GRID2: variants seen among roughly 807,000 people sequenced by gnomAD.
GRID2 encodes the protein glutamate receptor ionotropic, delta-2.
GRID2 carries 33 observed loss-of-function variants against 114.8 expected under a neutral mutation model. The ratio of observed to expected loss-of-function variants is 0.29; its 90% CI spans 0.22 to 0.38. The LOEUF is 0.38. Ranked by LOEUF, GRID2 falls within the 10% of genes least tolerant of loss-of-function variation. The probability of loss-of-function intolerance (pLI) is 1.00; values close to 1 mark genes in which losing one functional copy is unlikely to be tolerated. For missense variants in GRID2, 1,184 were observed against 1,257.7 expected (o/e 0.94, Z 0.89); for synonymous variants, 505 against 449.9 (o/e 1.12, Z -1.55).
intron 4 of GRID2, among the ~76,000 whole-genome samples, chr4:93,141,995 C>G (rs1735811077): frequency 6.6e-6 from 1 of 152,124 alleles, no homozygotes; most frequent in Admixed American, 6.5e-5. Flanking sequence ...TGCCTGTAAT[C>G]CCAGCACTGT....
intron 1 of GRID2, among the ~76,000 whole-genome samples, chr4:92,310,085 A>T (rs1394967941): frequency 6.6e-6 from 1 of 151,974 alleles, no homozygotes; most frequent in Non-Finnish European, 1.5e-5. Context: ...TTTTCAGATA[A>T]TTTTTGCCTG....
At chr4:93,161,966 C>T (rs867089226) in intron 4 of GRID2, among the ~76,000 whole-genome samples, 1 of 151,678 alleles carries the variant, frequency 6.6e-6, no homozygotes, top group South Asian at 2.1e-4. Context: ...TTGACTATGG[C>T]AGCAATTTAG....
chr4:93,157,176 T>C (rs1227762661), intron 4 of GRID2, among the ~76,000 whole-genome samples: 3 of 151,694 alleles, frequency 2.0e-5, no homozygotes, highest in Non-Finnish European at 4.4e-5. Context: ...ATTTCAACCT[T>C]AAGCCTATCT....
intron 2 of GRID2, among the ~76,000 whole-genome samples, chr4:92,894,112 C>G (rs1018950822): frequency 6.6e-6 from 1 of 152,248 alleles, no homozygotes; most frequent in African/African-American, 2.4e-5. Flanking sequence ...TTAATTTTTA[C>G]TAGGCATTTA....
intron 2 of GRID2, among the ~76,000 whole-genome samples, chr4:92,644,443 A>G (rs1027466339): frequency 1.3e-5 from 2 of 151,758 alleles, no homozygotes; most frequent in African/African-American, 4.8e-5. Context: ...TGTGAAGTAA[A>G]TAGTTGTCAG....
chr4:93,464,378 A>C (rs2149424866), intron 11 of GRID2, among the ~76,000 whole-genome samples: 1 of 152,280 alleles, frequency 6.6e-6, no homozygotes, highest in Non-Finnish European at 1.5e-5. Flanking sequence ...TCAAAAACAA[A>C]GTCAACATGT....
At chr4:93,001,707 C>G (rs1161779012) in intron 2 of GRID2, among the ~76,000 whole-genome samples, 1 of 151,596 alleles carries the variant, frequency 6.6e-6, no homozygotes, top group Admixed American at 6.6e-5. Flanking sequence ...CAAATGTTTA[C>G]AGAGAATCTG....
chr4:92,508,990 C>T (rs1455715721), intron 1 of GRID2, among the ~76,000 whole-genome samples: 1 of 151,658 alleles, frequency 6.6e-6, no homozygotes, highest in South Asian at 2.1e-4. Context: ...ACACTTGAGC[C>T]CAGGAGTTTG....
intron 4 of GRID2, among the ~76,000 whole-genome samples, chr4:93,144,670 G>A (rs1736042713): frequency 1.3e-5 from 2 of 152,118 alleles, no homozygotes; most frequent in Non-Finnish European, 2.9e-5. Context: ...TAAATGACAG[G>A]ATAATCACCA....
intron 11 of GRID2, among the ~76,000 whole-genome samples, chr4:93,456,559 C>A (rs1723215605): frequency 6.6e-6 from 1 of 152,188 alleles, no homozygotes; most frequent in African/African-American, 2.4e-5. Context: ...AATATCCAAT[C>A]TGCCCAACTC....
intron 2 of GRID2, among the ~76,000 whole-genome samples, chr4:92,768,472 G>C (rs1738375071): frequency 2.0e-5 from 3 of 152,166 alleles, no homozygotes; most frequent in African/African-American, 7.2e-5. Context: ...TGTTGTGCAA[G>C]TTCCTTAACA....
intron 8 of GRID2, among the ~76,000 whole-genome samples, chr4:93,323,455 T>G (rs551356964): frequency 6.6e-6 from 1 of 152,206 alleles, no homozygotes; most frequent in Admixed American, 6.5e-5. Flanking sequence ...TGTAGCCTTG[T>G]AGTATAGTTT....
downstream of GRID2, among the ~76,000 whole-genome samples, chr4:93,775,212 A>G (rs1205714687): frequency 6.6e-6 from 1 of 152,048 alleles, no homozygotes; most frequent in Non-Finnish European, 1.5e-5. Context: ...TGAATATTGG[A>G]ACTAAGAGGA....
At chr4:93,471,392 C>G (rs953695466) in intron 11 of GRID2, among the ~76,000 whole-genome samples, 16 of 151,938 alleles carry the variant, frequency 1.1e-4, no homozygotes. Flanking sequence ...AGTTTTTATC[C>G]CTCAGTTTTT....
At chr4:93,359,869 T>TA (rs1158118048) in intron 8 of GRID2, among the ~76,000 whole-genome samples, 358 of 23,636 alleles carry the variant, frequency 0.015, 12 homozygotes, top group East Asian at 0.037. Context: ...AAGGAAGGTG[T>TA]AAAAAAAAAA....
chr4:93,715,312 C>T (rs1189950146), intron 14 of GRID2, among the ~76,000 whole-genome samples: 1 of 152,108 alleles, frequency 6.6e-6, no homozygotes, highest in Admixed American at 6.6e-5. Context: ...GTACCAGTAC[C>T]ATGCTATTTT....
chr4:93,330,603 A>G (rs1478432224), intron 8 of GRID2, among the ~76,000 whole-genome samples: 1 of 152,144 alleles, frequency 6.6e-6, no homozygotes, highest in East Asian at 1.9e-4. Flanking sequence ...ATAAAAACCA[A>G]GAGTCCTACC....
rs149385372 is a variant in GRID2 at position 93,507,756 on chromosome 4, A to C, written c.1998-7460A>C. Among the ~76,000 whole-genome samples, 600 of 152,336 alleles carry C rather than the reference A, an allele frequency of 3.9e-3. 5 individuals carry two copies. Among genetic ancestry groups the C allele is most frequent in the African/African-American group, 0.012 (511 of 41,572 alleles). The stretch of plus-strand genomic sequence containing the variant: ...CAGGTCCTATGTCTACCAGAATCAC[A>C]GACTATACCCTCAGCTTTTTGAAAT... On this transcript the variant is annotated intron_variant, in intron 12 of 15. Coordinates refer to ENST00000282020, the MANE Select transcript of GRID2 (RefSeq NM_001510.4).
intron 1 of GRID2, among the ~76,000 whole-genome samples, chr4:93,784,346 A>G (rs1211464517): frequency 6.6e-6 from 1 of 152,048 alleles, no homozygotes; most frequent in African/African-American, 2.4e-5. Flanking sequence ...TCTATGGCCC[A>G]CTAATTAATG....
Sources: gnomAD v4.1 joint callset for allele counts (sites outside exome capture counted in the v4.1 genomes callset) on GRCh38, gnomAD v4.1.1 for gene constraint, MANE v1.5 for transcripts, NCBI Gene and HGNC (gene_info 2026-07-23, HGNC 2026-07-21) for gene names.